Variants in FAM107B observed in about 807,000 individuals in gnomAD.
FAM107B encodes the protein family with sequence similarity 107 member B, also known as protein FAM107B.
In FAM107B, 21 loss-of-function variants were observed where a neutral mutation model predicts 31.5. That is an observed-to-expected ratio of 0.67 (90% confidence interval 0.47 to 0.96). The LOEUF is 0.96. FAM107B is among the 40% of genes least tolerant of loss of function. The pLI is 0.00. For missense variants in FAM107B, 452 were observed against 377.1 expected (o/e 1.20, Z -1.64); for synonymous variants, 157 against 141.5 (o/e 1.11, Z -0.78).
At chr10:14,743,303 A>C (rs943644035) in intron 1 of FAM107B, among the ~76,000 whole-genome samples, 1 of 152,054 alleles carries the variant, frequency 6.6e-6, no homozygotes, top group Non-Finnish European at 1.5e-5. Context: ...CCCATTCTGC[A>C]AGTTGTCTGT....
chr10:14,619,164 C>G (rs1047439478), intron 2 of FAM107B, among the ~76,000 whole-genome samples: 1 of 152,142 alleles, frequency 6.6e-6, no homozygotes, highest in South Asian at 2.1e-4. Context: ...ACCAGAAGTG[C>G]GAGAAATAAA....
chr10:14,564,243 G>A (rs1452098691), intron 2 of FAM107B, among the ~76,000 whole-genome samples: 1 of 152,050 alleles, frequency 6.6e-6, no homozygotes, highest in African/African-American at 2.4e-5. Context: ...CATTGACATT[G>A]TGTTTGCTTG....
chr10:14,704,444 G>GT (rs1450452979), intron 1 of FAM107B, among the ~76,000 whole-genome samples: 2 of 152,140 alleles, frequency 1.3e-5, no homozygotes, highest in Non-Finnish European at 2.9e-5. Flanking sequence ...ATATTGTGTG[G>GT]TTGTAGCCTA....
At chr10:14,709,717 A>T (rs1425112466) in intron 1 of FAM107B, among the ~76,000 whole-genome samples, 2 of 152,246 alleles carry the variant, frequency 1.3e-5, no homozygotes. Context: ...TGGTACATCC[A>T]GACAATGGGA....
chr10:14,697,503 C>A (rs572980745), intron 1 of FAM107B, among the ~76,000 whole-genome samples: 1 of 152,350 alleles, frequency 6.6e-6, no homozygotes, highest in Admixed American at 6.5e-5. Context: ...AATGTGTAAA[C>A]TACTGTGTTC....
intron 2 of FAM107B, among the ~76,000 whole-genome samples, chr10:14,541,392 ACT>A (rs1239858125): frequency 2.6e-5 from 4 of 151,528 alleles, no homozygotes; most frequent in Non-Finnish European, 5.9e-5. Context: ...GTGGTTCTTA[ACT>A]CTCTGGCATC....
intron 2 of FAM107B, among the ~76,000 whole-genome samples, chr10:14,619,165 G>A (rs573119885): frequency 1.2e-4 from 18 of 152,200 alleles, no homozygotes; most frequent in South Asian, 4.1e-4. Context: ...CCAGAAGTGC[G>A]AGAAATAAAT....
chr10:14,768,883 A>C (rs766918488), intron 1 of FAM107B, among the ~76,000 whole-genome samples: 1 of 152,160 alleles, frequency 6.6e-6, no homozygotes, highest in Middle Eastern at 3.2e-3. Flanking sequence ...CTTGTAAACT[A>C]TCTCTCACCT....
At chr10:14,604,155 C>T in intron 2 of FAM107B, 1 of 910,306 alleles carries the variant, frequency 1.1e-6, no homozygotes, top group Non-Finnish European at 1.3e-6. Flanking sequence ...AGAGGGTCCC[C>T]GGAGCCGGGG....
At chr10:14,583,825 G>A (rs531485297) in intron 2 of FAM107B, among the ~76,000 whole-genome samples, 70 of 152,282 alleles carry the variant, frequency 4.6e-4, no homozygotes, top group African/African-American at 1.5e-3. Flanking sequence ...GAACCCTGTT[G>A]AGCGCTCTCC....
intron 2 of FAM107B, among the ~76,000 whole-genome samples, chr10:14,655,277 A>T (rs1045511071): frequency 2.0e-5 from 3 of 152,244 alleles, no homozygotes; most frequent in African/African-American, 7.2e-5. Flanking sequence ...CTGGGGATCA[A>T]ATTTCAACAT....
At chr10:14,550,646 T>C (rs1375016898) in intron 2 of FAM107B, among the ~76,000 whole-genome samples, 1 of 152,238 alleles carries the variant, frequency 6.6e-6, no homozygotes, top group Non-Finnish European at 1.5e-5. Flanking sequence ...CTTCTTTCCC[T>C]GAGTTACCCA....
At chr10:14,533,870 G>A (rs1337944786) in intron 2 of FAM107B, among the ~76,000 whole-genome samples, 1 of 152,190 alleles carries the variant, frequency 6.6e-6, no homozygotes, top group African/African-American at 2.4e-5. Context: ...CCAGTGGGGT[G>A]AGGGGCACCC....
intron 1 of FAM107B, among the ~76,000 whole-genome samples, chr10:14,747,591 C>T (rs1049709768): frequency 6.6e-6 from 1 of 152,132 alleles, no homozygotes; most frequent in Non-Finnish European, 1.5e-5. Flanking sequence ...CACTCCAGAT[C>T]CTATGCATCT....
intron 2 of FAM107B, among the ~76,000 whole-genome samples, chr10:14,665,421 T>C (rs1476376078): frequency 6.6e-6 from 1 of 152,218 alleles, no homozygotes; most frequent in African/African-American, 2.4e-5. Flanking sequence ...TCTTAGCAAG[T>C]CTTTAGTGAG....
At chr10:14,572,840 G>A (rs571535538) in intron 2 of FAM107B, among the ~76,000 whole-genome samples, 1 of 150,006 alleles carries the variant, frequency 6.7e-6, no homozygotes, top group Admixed American at 6.7e-5. Flanking sequence ...ACGACAAGCA[G>A]AAGGGACTTG....
chr10:14,634,932 T>C (rs908357537), intron 2 of FAM107B, among the ~76,000 whole-genome samples: 1 of 151,678 alleles, frequency 6.6e-6, no homozygotes, highest in African/African-American at 2.4e-5. Flanking sequence ...TCTACTAAAA[T>C]ACAAAAATTA....
intron 1 of FAM107B, among the ~76,000 whole-genome samples, chr10:14,706,834 T>TA (rs1855531556): frequency 6.6e-6 from 1 of 152,022 alleles, no homozygotes; most frequent in South Asian, 2.1e-4. Context: ...ACTATACACT[T>TA]AAAAAATGGT....
intron 2 of FAM107B, among the ~76,000 whole-genome samples, chr10:14,665,866 C>T (rs537074660): frequency 7.2e-5 from 11 of 152,228 alleles, no homozygotes; most frequent in African/African-American, 9.6e-5. Flanking sequence ...TCTCATATTG[C>T]GAACATAATT....
Sources: allele counts gnomAD v4.1 joint callset (sites outside exome capture counted in the v4.1 genomes callset), GRCh38; gene constraint gnomAD v4.1.1; transcripts MANE v1.5; gene names NCBI Gene and HGNC (gene_info 2026-07-23, HGNC 2026-07-21).